The following TMEM135 variants were observed in gnomAD, a reference collection of about 807,000 sequenced individuals.
TMEM135 encodes the protein transmembrane protein 135.
A neutral mutation model predicts 60.3 loss-of-function variants in TMEM135; 30 were observed. The ratio of observed to expected loss-of-function variants is 0.50; its 90% confidence interval spans 0.37 to 0.68. The LOEUF is 0.68. TMEM135 is among the 30% of genes least tolerant of loss of function. TMEM135 has a pLI of 0.00. For missense variants in TMEM135, 468 were observed against 548.8 expected (o/e 0.85, Z 1.47); for synonymous variants, 190 against 186.7 (o/e 1.02, Z -0.14).
chr11:87,130,725 C>T lies in TMEM135; in HGVS notation c.397-26616C>T, dbSNP rs185630027. 2.4e-3 allele frequency among the ~76,000 whole-genome samples: 370 copies of T among 152,198 alleles called. 2 individuals are homozygous for T. The highest frequency in any genetic ancestry group is 2.3e-3 in the Non-Finnish European group (154 of 68,024). On this transcript the variant is annotated intron_variant, in intron 4 of 14. Coordinates refer to ENST00000305494, the MANE Select transcript of TMEM135 (RefSeq NM_022918.4). Reference sequence around the variant, plus strand: ...ATAAGTTGCCCAGGCTGGTCTTGAGCTCCTGGCCTCAAGCGCTCTTCCTAT... The same window carrying T: ...ATAAGTTGCCCAGGCTGGTCTTGAGTTCCTGGCCTCAAGCGCTCTTCCTAT...
intron 6 of TMEM135, chr11:87,258,721 T>C (rs1415616568): frequency 2.6e-6 from 1 of 390,906 alleles, no homozygotes; most frequent in African/African-American, 2.1e-5. Flanking sequence ...TGTGGGGAGA[T>C]TTCTTCCCAC....
intron 4 of TMEM135, among the ~76,000 whole-genome samples, chr11:87,097,392 A>T (rs549028887): frequency 6.6e-6 from 1 of 152,312 alleles, no homozygotes; most frequent in Non-Finnish European, 1.5e-5. Flanking sequence ...CCCAAACTCA[A>T]TATATCTTGC....
chr11:87,249,353 TG>T (rs1262583198), intron 6 of TMEM135, among the ~76,000 whole-genome samples: 2 of 152,198 alleles, frequency 1.3e-5, no homozygotes, highest in Non-Finnish European at 2.9e-5. Context: ...AATGAGCATA[TG>T]TTTTTTGTTT....
chr11:87,249,529 C>T (rs774818624), intron 6 of TMEM135, among the ~76,000 whole-genome samples: 19 of 152,010 alleles, frequency 1.2e-4, no homozygotes, highest in Non-Finnish European at 2.1e-4. Context: ...TTCTAGTTCT[C>T]TAAGATGCAT....
In TMEM135 at chr11:87,249,885, G is replaced by T. The variant is rs1244814306; in HGVS notation, c.509+13201G>T. ...TTTTTAGAATAGTTTGAGTAGGATT[G>T]GTATTAGTTCTTATAGTAAAATTCT... On this transcript the variant is annotated intron_variant, in intron 6 of 14. Transcript: ENST00000305494. 2.0e-5 allele frequency among the ~76,000 whole-genome samples: 3 copies of T among 152,076 alleles called. No individual in the cohort carries two copies. The East Asian group carries it at 5.8e-4, about 29-fold the overall frequency.
chr11:87,289,581 C>T (rs1316083058), intron 6 of TMEM135, among the ~76,000 whole-genome samples: 2 of 151,662 alleles, frequency 1.3e-5, no homozygotes, highest in South Asian at 2.1e-4. Context: ...CTCAGCCTCC[C>T]GAGTAGCTGG....
chr11:87,168,466 A>T (rs1323246347), intron 5 of TMEM135, among the ~76,000 whole-genome samples: 1 of 151,118 alleles, frequency 6.6e-6, no homozygotes, highest in Non-Finnish European at 1.5e-5. Flanking sequence ...CCCTCTAAAG[A>T]CTCCTTTAGC....
intron 5 of TMEM135, among the ~76,000 whole-genome samples, chr11:87,222,943 C>G (rs532208695): frequency 6.6e-6 from 1 of 152,228 alleles, no homozygotes; most frequent in East Asian, 1.9e-4. Context: ...TAGTGATAGA[C>G]TGGATTGCTG....
intron 5 of TMEM135, among the ~76,000 whole-genome samples, chr11:87,203,309 A>G (rs1158510461): frequency 6.6e-6 from 1 of 152,176 alleles, no homozygotes; most frequent in Non-Finnish European, 1.5e-5. Flanking sequence ...TCATTATAGT[A>G]TCATACAGAG....
At chr11:87,103,331 G>T (rs1376091482) in intron 4 of TMEM135, among the ~76,000 whole-genome samples, 2 of 151,966 alleles carry the variant, frequency 1.3e-5, no homozygotes, top group African/African-American at 4.8e-5. Flanking sequence ...TTTCCTCCAG[G>T]TACTTGCCAA....
chr11:87,214,224 C>A (rs1940446686), intron 5 of TMEM135, among the ~76,000 whole-genome samples: 2 of 152,086 alleles, frequency 1.3e-5, no homozygotes, highest in Admixed American at 6.6e-5. Flanking sequence ...AAGAAGAGAT[C>A]CCTGTTCTAG....
At chr11:87,181,949 G>A (rs1445825437) in intron 5 of TMEM135, among the ~76,000 whole-genome samples, 1 of 150,290 alleles carries the variant, frequency 6.7e-6, no homozygotes, top group Non-Finnish European at 1.5e-5. Context: ...TTTGAATGAG[G>A]GTGGCTTTTT....
chr11:87,046,401 T>A (rs1056840019), intron 1 of TMEM135, among the ~76,000 whole-genome samples: 1 of 151,858 alleles, frequency 6.6e-6, no homozygotes, highest in East Asian at 1.9e-4. Context: ...AACAAACAAA[T>A]AAACAAACAA....
chr11:87,060,037 C>T (rs1282011364), intron 1 of TMEM135, among the ~76,000 whole-genome samples: 2 of 152,058 alleles, frequency 1.3e-5, no homozygotes, highest in Non-Finnish European at 2.9e-5. Flanking sequence ...TCGCTTGAAC[C>T]GGGAGGTGTA....
At chr11:87,130,762 A>C (rs1937903267) in intron 4 of TMEM135, among the ~76,000 whole-genome samples, 1 of 152,160 alleles carries the variant, frequency 6.6e-6, no homozygotes, top group Non-Finnish European at 1.5e-5. Context: ...TTGGCCTCCC[A>C]AAGTGCTGGG....
chr11:87,169,570 T>TG (rs1233828288), intron 5 of TMEM135, among the ~76,000 whole-genome samples: 1 of 152,092 alleles, frequency 6.6e-6, no homozygotes, highest in East Asian at 1.9e-4. Context: ...AAGCTTAGTT[T>TG]GGTTGGATAT....
intron 4 of TMEM135, among the ~76,000 whole-genome samples, chr11:87,123,857 A>G (rs780756200): frequency 5.3e-5 from 8 of 152,340 alleles, no homozygotes; most frequent in African/African-American, 1.9e-4. Context: ...TCTTCAAACA[A>G]TCCTATAAAG....
rs1438105393 is a variant in TMEM135, at chr11:87,325,705, T to A, written c.*4372T>A. The A allele has an allele frequency of 8.8e-6, 4 of 453,830 alleles. No homozygotes were observed. In the East Asian group the frequency reaches 2.1e-4, roughly 24 times the overall value. The allele number at this position is 453,830 out of a possible 1,614,324, so 28.1% of individuals were successfully genotyped here. A position where few individuals can be genotyped will look rare whatever the true frequency, so the allele number is the denominator to read the frequency against. On this transcript the variant is annotated 3_prime_UTR_variant, in exon 15 of 15. Transcript: ENST00000305494. The stretch of plus-strand genomic sequence containing the variant: ...GTAAACATTTCCAGAGACACTGATT[T>A]TTTTTTTATATGCTCTGTTTTTCTT...
intron 12 of TMEM135, among the ~76,000 whole-genome samples, chr11:87,315,860 A>G (rs1942719814): frequency 6.6e-6 from 1 of 151,936 alleles, no homozygotes; most frequent in African/African-American, 2.4e-5. Context: ...ATTTATTTTC[A>G]TTATGCTCAA....
Sources: allele counts gnomAD v4.1 joint callset (sites outside exome capture counted in the v4.1 genomes callset), GRCh38; gene constraint gnomAD v4.1.1; transcripts MANE v1.5; gene names NCBI Gene and HGNC (gene_info 2026-07-23, HGNC 2026-07-21).